Variants in ANXA4 observed in about 807,000 individuals in gnomAD.
ANXA4 encodes annexin A4, also known as 35-beta calcimedin.
In ANXA4, 39 loss-of-function variants were observed where a neutral mutation model predicts 49.8. The ratio of observed to expected loss-of-function variants is 0.78; its 90% CI spans 0.61 to 1.02. The LOEUF (loss-of-function observed/expected upper bound fraction) is 1.02, where lower values mean the gene tolerates loss of function less well. Ranked by LOEUF, ANXA4 falls within the 50% of genes least tolerant of loss-of-function variation. ANXA4 has a pLI of 0.00. For synonymous variants in ANXA4, 134 were observed against 152.5 expected (o/e 0.88, Z 0.89); for missense variants, 360 against 410.1 (o/e 0.88, Z 1.05).
At chr2:69,694,120 C>G (rs977749425) in intron 2 of ANXA4, among the ~76,000 whole-genome samples, 1 of 152,190 alleles carries the variant, frequency 6.6e-6, no homozygotes, top group African/African-American at 2.4e-5. Flanking sequence ...ACCCCTGCAA[C>G]ATTCATATTT....
intron 2 of ANXA4, among the ~76,000 whole-genome samples, chr2:69,697,719 T>C (rs1678202738): frequency 6.6e-6 from 1 of 152,162 alleles, no homozygotes; most frequent in Non-Finnish European, 1.5e-5. Context: ...CTAATGTCAA[T>C]ATTGTTGTGT....
At chr2:69,803,142 G>A (rs961800274) in intron 3 of ANXA4, among the ~76,000 whole-genome samples, 1 of 151,126 alleles carries the variant, frequency 6.6e-6, no homozygotes, top group Non-Finnish European at 1.5e-5. Flanking sequence ...GAGAGGGAGT[G>A]AGCTGGACTG....
upstream of ANXA4, among the ~76,000 whole-genome samples, chr2:69,739,925 T>C (rs908650439): frequency 1.4e-4 from 22 of 152,150 alleles, no homozygotes; most frequent in African/African-American, 4.8e-4. Context: ...AGCAAAGATA[T>C]GGTTTCTGAT....
chr2:69,660,775 GGAGAGA>G (rs60225306), intron 2 of ANXA4, among the ~76,000 whole-genome samples: 56 of 145,728 alleles, frequency 3.8e-4, no homozygotes, highest in Admixed American at 1.2e-3. Context: ...AGGGAGGGAG[GGAGAGA>G]GAGAGAGAGA....
At chr2:69,663,686 T>C (rs1170019429) in intron 2 of ANXA4, among the ~76,000 whole-genome samples, 1 of 151,932 alleles carries the variant, frequency 6.6e-6, no homozygotes, top group Non-Finnish European at 1.5e-5. Context: ...AAGAATACTC[T>C]AAAAAATGAA....
At chr2:69,805,493 C>G (rs984142290) in intron 4 of ANXA4, among the ~76,000 whole-genome samples, 1 of 151,588 alleles carries the variant, frequency 6.6e-6, no homozygotes, top group Non-Finnish European at 1.5e-5. Flanking sequence ...GTAATCCCAG[C>G]TACTTGGGAG....
chr2:69,778,161 A>G (rs952476028), intron 1 of ANXA4, among the ~76,000 whole-genome samples: 1 of 152,198 alleles, frequency 6.6e-6, no homozygotes, highest in African/African-American at 2.4e-5. Context: ...CCCATGAGCT[A>G]CTGTGGTTTG....
intron 1 of ANXA4, among the ~76,000 whole-genome samples, chr2:69,773,210 G>T (rs986102701): frequency 6.6e-6 from 1 of 152,164 alleles, no homozygotes; most frequent in African/African-American, 2.4e-5. Flanking sequence ...CTAGCTCCTT[G>T]TGTAATGACT....
At chr2:69,792,834 A>C (rs1285575386) in intron 3 of ANXA4, among the ~76,000 whole-genome samples, 2 of 152,194 alleles carry the variant, frequency 1.3e-5, no homozygotes, top group Non-Finnish European at 2.9e-5. Flanking sequence ...TGTTTTAATT[A>C]TGTGCTGGAT....
Position 69,690,695 on chromosome 2 carries a change from C to T in ANXA4, n.767-30079C>T, listed in dbSNP as rs181440020. The stretch of plus-strand genomic sequence containing the variant: ...CTTTATTGGTCCAACCCCTTGAAAC[C>T]TTATTCCTTTTTAGGTGACAATGCA... On this transcript the variant is annotated intron_variant and non_coding_transcript_variant, in intron 2 of 3. Transcript: ENST00000418066. Among the ~76,000 whole-genome samples, 232 of 152,284 alleles carry T rather than the reference C, an allele frequency of 1.5e-3. 1 individual carries two copies. The highest frequency in any genetic ancestry group is 5.4e-3 in the African/African-American group (223 of 41,542).
At chr2:69,683,820 T>A (rs1677688879) in intron 2 of ANXA4, among the ~76,000 whole-genome samples, 1 of 152,208 alleles carries the variant, frequency 6.6e-6, no homozygotes, top group African/African-American at 2.4e-5. Flanking sequence ...TGTCCCAGAT[T>A]GCACAGCTGG....
intron 2 of ANXA4, among the ~76,000 whole-genome samples, chr2:69,670,786 G>T (rs1219193372): frequency 6.6e-6 from 1 of 152,064 alleles, no homozygotes; most frequent in African/African-American, 2.4e-5. Context: ...CACTCTAGGA[G>T]GTTGAAACAG....
At chr2:69,803,718 T>C (rs573274023) in intron 3 of ANXA4, among the ~76,000 whole-genome samples, 3 of 152,058 alleles carry the variant, frequency 2.0e-5, no homozygotes, top group East Asian at 1.9e-4. Context: ...AAATGCCAAA[T>C]TGGTGAATTA....
chr2:69,712,244 A>C (rs1258238981), intron 2 of ANXA4, among the ~76,000 whole-genome samples: 1 of 152,120 alleles, frequency 6.6e-6, no homozygotes, highest in Non-Finnish European at 1.5e-5. Context: ...CAACCAAAGG[A>C]GAAAATTGGA....
intron 3 of ANXA4, among the ~76,000 whole-genome samples, chr2:69,795,369 A>G (rs886580580): frequency 6.6e-6 from 1 of 152,196 alleles, no homozygotes; most frequent in Non-Finnish European, 1.5e-5. Context: ...ATCTAGGACT[A>G]TAAACCATTT....
rs1397770523 is a variant in ANXA4 at position 69,666,770 on chromosome 2, G to C, written n.766+13488G>C. Among the ~76,000 whole-genome samples the C allele has an allele frequency of 2.6e-5, 4 of 152,318 alleles. No homozygotes were observed. In the East Asian group the frequency reaches 7.7e-4, roughly 29 times the overall value. ...CATATAATATAAAATATCAGGCTGG[G>C]TGTGGTGGCTCATGCCTGTAATCCC... On this transcript the variant is annotated intron_variant and non_coding_transcript_variant, in intron 2 of 3. Coordinates refer to the ANXA4 transcript ENST00000418066.
At chr2:69,701,268 ATTG>A (rs1451370886) in intron 2 of ANXA4, among the ~76,000 whole-genome samples, 1 of 151,988 alleles carries the variant, frequency 6.6e-6, no homozygotes, top group African/African-American at 2.4e-5. Flanking sequence ...GTACATTCAT[ATTG>A]TTGTGCAACC....
upstream of ANXA4, among the ~76,000 whole-genome samples, chr2:69,644,264 G>A (rs1421822295): frequency 1.3e-5 from 2 of 148,910 alleles, no homozygotes; most frequent in Non-Finnish European, 2.9e-5. Context: ...TGTGGTTTCC[G>A]AACGGATCGA....
intron 1 of ANXA4, among the ~76,000 whole-genome samples, chr2:69,744,482 A>G (rs1670533043): frequency 6.6e-6 from 1 of 152,236 alleles, no homozygotes; most frequent in South Asian, 2.1e-4. Flanking sequence ...AACCTCAAAA[A>G]CATTTTGCTT....
Sources: gnomAD v4.1 joint callset for allele counts (sites outside exome capture counted in the v4.1 genomes callset) on GRCh38, gnomAD v4.1.1 for gene constraint, MANE v1.5 for transcripts, NCBI Gene and HGNC (gene_info 2026-07-23, HGNC 2026-07-21) for gene names.